CNTN1: variants seen among roughly 807,000 people sequenced by gnomAD.
CNTN1 encodes the protein contactin 1.
A neutral mutation model predicts 126.4 loss-of-function variants in CNTN1; 38 were observed. The observed-to-expected ratio is 0.30, with a 90% CI of 0.23 to 0.39. The LOEUF (loss-of-function observed/expected upper bound fraction) is 0.39. Among genes scored for constraint, CNTN1 ranks in the 10% least tolerant of loss-of-function variants. The pLI is 1.00. For missense variants in CNTN1, 1,009 were observed against 1,248.4 expected (o/e 0.81, Z 2.89); for synonymous variants, 413 against 422.6 (o/e 0.98, Z 0.28).
chr12:40,786,337 C>T lies in CNTN1; in HGVS notation c.-77+93745C>T, dbSNP rs1220734570. Among the ~76,000 whole-genome samples, 6 of 152,274 alleles carry T rather than the reference C, an allele frequency of 3.9e-5. 1 individual carries two copies. Among genetic ancestry groups the T allele is most frequent in the Admixed American group, 2.0e-4 (3 of 15,290 alleles). On this transcript the variant is annotated intron_variant, in intron 1 of 23. Coordinates refer to ENST00000551295, the MANE Select transcript of CNTN1 (RefSeq NM_001843.4). ...GCAACAGCTGATTAAGTCCTTCTCA[C>T]ATCACATCTCTCTCTAGCCCTTTCA...
At chr12:40,956,000 G>A (rs1485370142) in intron 14 of CNTN1, among the ~76,000 whole-genome samples, 1 of 152,060 alleles carries the variant, frequency 6.6e-6, no homozygotes, top group Admixed American at 6.6e-5. Flanking sequence ...AATCTGTGGA[G>A]GCTGAAGGTG....
chr12:41,031,858 T>C (rs1419965901), intron 23 of CNTN1, among the ~76,000 whole-genome samples: 1 of 152,228 alleles, frequency 6.6e-6, no homozygotes, highest in Non-Finnish European at 1.5e-5. Flanking sequence ...GTTTGGATTT[T>C]CAAATCATTT....
chr12:40,892,684 C>T (rs536307827), intron 1 of CNTN1, among the ~76,000 whole-genome samples: 3 of 152,050 alleles, frequency 2.0e-5, no homozygotes, highest in African/African-American at 7.2e-5. Context: ...TCACAGCTTC[C>T]GGAAGGGAAG....
At chr12:41,008,368 T>C (rs1480187302) in intron 17 of CNTN1, among the ~76,000 whole-genome samples, 1 of 152,226 alleles carries the variant, frequency 6.6e-6, no homozygotes, top group African/African-American at 2.4e-5. Context: ...CTACCAAATG[T>C]TGCTGTACTT....
chr12:41,046,296 A>G (rs1949536982), intron 23 of CNTN1, among the ~76,000 whole-genome samples: 1 of 152,142 alleles, frequency 6.6e-6, no homozygotes, highest in Non-Finnish European at 1.5e-5. Flanking sequence ...AAATTACATT[A>G]TAATTTTCAT....
At chr12:40,909,568 TA>T (rs936820777) in intron 2 of CNTN1, among the ~76,000 whole-genome samples, 6 of 151,852 alleles carry the variant, frequency 4.0e-5, no homozygotes, top group East Asian at 1.9e-4. Flanking sequence ...ATTAAGAACA[TA>T]AAAAAATATT....
chr12:40,735,677 A>G (rs1937643961), intron 1 of CNTN1, among the ~76,000 whole-genome samples: 1 of 152,146 alleles, frequency 6.6e-6, no homozygotes, highest in African/African-American at 2.4e-5. Context: ...ATCTTGAATC[A>G]CAATTTAAGA....
At position 41,057,761 on chromosome 12, in the gene CNTN1, G is replaced by A. The variant is rs74076969; in HGVS notation, c.2981-12198G>A. Among the ~76,000 whole-genome samples, 489 of 152,098 alleles carry A rather than the reference G, an allele frequency of 3.2e-3. 3 individuals carry two copies. Among genetic ancestry groups the A allele is most frequent in the African/African-American group, 0.011 (471 of 41,490 alleles). On this transcript the variant is annotated intron_variant, in intron 23 of 23. Coordinates refer to ENST00000551295, the MANE Select transcript of CNTN1 (RefSeq NM_001843.4). ...GCTTTTTGTTTTCTGGCGTTTTGGC[G>A]TGATTTTTTTTATTTTTATATTTTG...
rs4408370 is a variant in CNTN1 at position 40,929,859 on chromosome 12, G to A, written c.560G>A (p.Arg187Gln). 8 of 1,612,676 alleles carry A rather than the reference G, an allele frequency of 5.0e-6. No homozygotes were observed. Among genetic ancestry groups the A allele is most frequent in the Middle Eastern group, 1.7e-4 (1 of 6,054 alleles). ...FPVFITMDKR[R>Q]FVSQTNGNLY... is the part of the protein sequence containing the mutation. ...GTATTTATCACAATGGATAAACGGC[G>A]ATTTGTGTCTCAGACAAATGGCAAT... is the stretch of plus-strand genomic sequence containing the variant. The change falls in exon 7 of 24, where the codon CGA (arginine) becomes CAA (glutamine). Residue 187 changes from arginine to glutamine, a missense_variant. Coordinates refer to ENST00000551295, the MANE Select transcript of CNTN1 (RefSeq NM_001843.4).
intron 1 of CNTN1, among the ~76,000 whole-genome samples, chr12:40,834,316 G>T (rs900494144): frequency 6.6e-6 from 1 of 152,096 alleles, no homozygotes; most frequent in Non-Finnish European, 1.5e-5. Context: ...CCTTTCACCC[G>T]TTCTGCTCCT....
At chr12:40,913,517 A>T (rs1182542906) in intron 3 of CNTN1, among the ~76,000 whole-genome samples, 1 of 152,198 alleles carries the variant, frequency 6.6e-6, no homozygotes, top group Non-Finnish European at 1.5e-5. Context: ...CTCTTCTTAC[A>T]ACATGCTTAT....
chr12:40,926,312 T>C (rs1180235190), intron 6 of CNTN1, among the ~76,000 whole-genome samples: 1 of 151,688 alleles, frequency 6.6e-6, no homozygotes, highest in Non-Finnish European at 1.5e-5. Flanking sequence ...AATAAACACC[T>C]GAAGGAAGTA....
In CNTN1 at chr12:40,957,352, G is replaced by T. The variant is rs184379610; in HGVS notation, c.1684-1762G>T. On this transcript the variant is annotated intron_variant, in intron 14 of 23. Coordinates refer to ENST00000551295, the MANE Select transcript of CNTN1 (RefSeq NM_001843.4). ...TGGCAGAGCACTGGGAGAGGTGAAG[G>T]TTACTGGGAAATTCCCAGTAAATTT... Among the ~76,000 whole-genome samples the T allele has an allele frequency of 5.2e-4, 79 of 151,686 alleles. 1 individual carries two copies. Among genetic ancestry groups the T allele is most frequent in the Admixed American group, 1.4e-3 (21 of 15,186 alleles).
chr12:40,949,543 G>C (rs1183748065), intron 14 of CNTN1, among the ~76,000 whole-genome samples: 1 of 115,800 alleles, frequency 8.6e-6, no homozygotes, highest in Non-Finnish European at 1.8e-5. Flanking sequence ...TGCTGTTTTT[G>C]TGGGTTTTCT....
intron 1 of CNTN1, among the ~76,000 whole-genome samples, chr12:40,736,491 A>G (rs981272854): frequency 3.3e-5 from 5 of 152,100 alleles, no homozygotes; most frequent in African/African-American, 4.8e-5. Context: ...TTCACTGATC[A>G]CAGTGAAATA....
intron 1 of CNTN1, among the ~76,000 whole-genome samples, chr12:40,727,774 T>TA (rs1333868806): frequency 2.0e-5 from 3 of 152,174 alleles, no homozygotes; most frequent in African/African-American, 7.2e-5. Flanking sequence ...AACATAAAAA[T>TA]ATGCACTGAA....
At chr12:40,905,919 C>A (rs979486053) in intron 1 of CNTN1, among the ~76,000 whole-genome samples, 1 of 152,144 alleles carries the variant, frequency 6.6e-6, no homozygotes, top group Non-Finnish European at 1.5e-5. Context: ...CGATGTCATG[C>A]ACAATCAAAA....
chr12:40,904,059 C>T (rs1460182173), intron 1 of CNTN1, among the ~76,000 whole-genome samples: 1 of 152,204 alleles, frequency 6.6e-6, no homozygotes, highest in Non-Finnish European at 1.5e-5. Flanking sequence ...CGCTCTGTCG[C>T]CTAGGCTGGA....
In CNTN1 at chr12:40,722,861, A is replaced by G. The variant is rs948903697; in HGVS notation, c.-77+30269A>G. Among the ~76,000 whole-genome samples the G allele has an allele frequency of 4.6e-5, 7 of 152,304 alleles. 1 individual carries two copies. Among genetic ancestry groups the G allele is most frequent in the Non-Finnish European group, 8.8e-5 (6 of 68,016 alleles). On this transcript the variant is annotated intron_variant, in intron 1 of 23. Coordinates refer to ENST00000551295, the MANE Select transcript of CNTN1 (RefSeq NM_001843.4). ...TGCTGAAGGAAAATGTATATAAGGC[A>G]GTAAAATTTTCATGAGAGCCCTCCA...
Sources: allele counts gnomAD v4.1 joint callset (sites outside exome capture counted in the v4.1 genomes callset), GRCh38; gene constraint gnomAD v4.1.1; transcripts MANE v1.5; gene names NCBI Gene and HGNC (gene_info 2026-07-23, HGNC 2026-07-21).